Variants in P3H2 observed in about 807,000 individuals in gnomAD.
The protein encoded by P3H2 is leprecan-like 1.
In P3H2, 80 loss-of-function variants were observed where a neutral mutation model predicts 87.0. That is an observed-to-expected ratio of 0.92 (90% CI 0.77 to 1.11). P3H2 has a LOEUF of 1.11. P3H2 is among the 50% of genes least tolerant of loss of function. The pLI, the probability that P3H2 is intolerant of heterozygous loss-of-function variation, is 0.00. For missense variants in P3H2, 1,001 were observed against 923.9 expected, an observed-to-expected ratio of 1.08 and a Z score of -1.08; for synonymous variants, 367 against 359.3, an observed-to-expected ratio of 1.02 and a Z score of -0.24.
At chr3:190,028,808 T>A (rs954283878) in intron 1 of P3H2, among the ~76,000 whole-genome samples, 1 of 152,262 alleles carries the variant, frequency 6.6e-6, no homozygotes, top group Non-Finnish European at 1.5e-5. Flanking sequence ...ATGATTTTAT[T>A]ATTTTAATAA....
At chr3:189,985,318 T>G (rs1723655703) in intron 6 of P3H2, among the ~76,000 whole-genome samples, 1 of 151,762 alleles carries the variant, frequency 6.6e-6, no homozygotes, top group African/African-American at 2.4e-5. Context: ...AGGTTTATTC[T>G]TGCTGGTCAT....
At chr3:190,066,946 C>T (rs966483057) in intron 1 of P3H2, among the ~76,000 whole-genome samples, 3 of 151,880 alleles carry the variant, frequency 2.0e-5, no homozygotes, top group Non-Finnish European at 2.9e-5. Context: ...CTTTGACAGT[C>T]GCTGGATGGA....
At chr3:190,065,147 AT>A (rs1560385394) in intron 1 of P3H2, among the ~76,000 whole-genome samples, 1 of 152,192 alleles carries the variant, frequency 6.6e-6, no homozygotes, top group East Asian at 1.9e-4. Flanking sequence ...TTCAGATTCC[AT>A]CTGGTTGTTC....
intron 1 of P3H2, among the ~76,000 whole-genome samples, chr3:190,007,965 C>CACACATATATAT: frequency 4.2e-5 from 4 of 94,346 alleles, no homozygotes; most frequent in African/African-American, 1.6e-4. Flanking sequence ...TGTTGACACA[C>CACACATATATAT]ATATATATAT....
chr3:190,100,318 G>A (rs112396952), intron 1 of P3H2, among the ~76,000 whole-genome samples: 10,188 of 137,964 alleles, frequency 0.074, 474 homozygotes, highest in African/African-American at 0.14. Flanking sequence ...TCTCTGCAAT[G>A]TATTCAATAT....
intron 1 of P3H2, among the ~76,000 whole-genome samples, chr3:190,017,433 C>T (rs9834518): frequency 0.064 from 9,790 of 152,194 alleles, 453 homozygotes; most frequent in Admixed American, 0.086. Context: ...AAAGAGCATA[C>T]ACATGGATGC....
intron 1 of P3H2, among the ~76,000 whole-genome samples, chr3:190,050,500 T>C (rs1205710980): frequency 6.6e-6 from 1 of 152,156 alleles, no homozygotes; most frequent in Non-Finnish European, 1.5e-5. Context: ...AGATGCAGAC[T>C]TAGATGTCAG....
intron 1 of P3H2, among the ~76,000 whole-genome samples, chr3:190,045,533 G>A (rs1725772889): frequency 6.6e-6 from 1 of 152,006 alleles, no homozygotes; most frequent in Non-Finnish European, 1.5e-5. Flanking sequence ...GAGACATAGA[G>A]AGAGAGGCAG....
chr3:190,086,577 G>C (rs1727217717), intron 1 of P3H2, among the ~76,000 whole-genome samples: 1 of 152,170 alleles, frequency 6.6e-6, no homozygotes, highest in Non-Finnish European at 1.5e-5. Context: ...TTCTGTGTTA[G>C]AGTTTCAGCA....
chr3:190,009,646 CAG>C (rs1244819399), intron 1 of P3H2, among the ~76,000 whole-genome samples: 1 of 152,156 alleles, frequency 6.6e-6, no homozygotes, highest in Non-Finnish European at 1.5e-5. Context: ...AATTTTAAGC[CAG>C]AGAGAAATTT....
At chr3:189,958,306 T>G (rs1036337962) in intron 14 of P3H2, among the ~76,000 whole-genome samples, 1 of 152,170 alleles carries the variant, frequency 6.6e-6, no homozygotes, top group Non-Finnish European at 1.5e-5. Context: ...TCAAGCTGAA[T>G]TCACCATTTT....
At chr3:190,092,368 C>G (rs1727435648) in intron 1 of P3H2, among the ~76,000 whole-genome samples, 3 of 152,220 alleles carry the variant, frequency 2.0e-5, no homozygotes, top group Admixed American at 2.0e-4. Context: ...TGCCATGAGT[C>G]ACTTCCTCAC....
chr3:190,039,447 G>C (rs1326799957), intron 1 of P3H2, among the ~76,000 whole-genome samples: 1 of 152,186 alleles, frequency 6.6e-6, no homozygotes, highest in Non-Finnish European at 1.5e-5. Context: ...TATAGCATGT[G>C]TTATCTTCAC....
rs1407835308 is a variant in P3H2, at chr3:190,120,343, C to T, written c.389G>A (p.Gly130Asp). ...GCTGACGCGGTGGCGGGATGCGGGG[C>T]CCCCGAGGCGCTGGGTCTCACAGCT... is the stretch of plus-strand genomic sequence containing the variant. ...YRSCETQRLG[G>D]PASRHRVSED... Residue 130 changes from glycine (G) to aspartate (D), a missense_variant, in exon 1 of 15, where the codon GGC (glycine) becomes GAC (aspartate). Coordinates refer to ENST00000319332, the MANE Select transcript of P3H2 (RefSeq NM_018192.4). 1.2e-5 allele frequency: 19 copies of T among 1,587,000 alleles called. No individual in the cohort carries two copies. The highest frequency in any genetic ancestry group is 1.5e-5 in the Non-Finnish European group (18 of 1,170,088).
intron 1 of P3H2, among the ~76,000 whole-genome samples, chr3:190,049,988 C>T (rs1490461991): frequency 2.0e-5 from 3 of 152,174 alleles, no homozygotes; most frequent in Non-Finnish European, 2.9e-5. Context: ...TCAACATACT[C>T]TGTAATATCT....
intron 13 of P3H2, among the ~76,000 whole-genome samples, chr3:189,967,525 A>G (rs1452444888): frequency 6.7e-6 from 1 of 150,266 alleles, no homozygotes; most frequent in Non-Finnish European, 1.5e-5. Context: ...GCGAAATGCC[A>G]GTATTTTTGT....
chr3:189,994,157 G>GC lies in P3H2; in HGVS notation c.759dup (p.Pro254AlafsTer5). On this transcript the variant is annotated frameshift_variant, in exon 3 of 15. Coordinates refer to ENST00000319332, the MANE Select transcript of P3H2 (RefSeq NM_018192.4). LOFTEE classifies it high-confidence loss of function. ...TACTCATATTCTTCAAATCTCTGAG[G>GC]CCCCTCACATAGGGTCCGGCATTCT... 6.2e-7 allele frequency: 1 copy of GC among 1,613,406 alleles called. No homozygotes were observed. The highest frequency in any genetic ancestry group is 1.7e-5 in the Admixed American group (1 of 59,992).
At chr3:190,118,909 A>G (rs1320131304) in intron 1 of P3H2, among the ~76,000 whole-genome samples, 1 of 151,630 alleles carries the variant, frequency 6.6e-6, no homozygotes, top group African/African-American at 2.4e-5. Context: ...CCTGGCCAAC[A>G]TGGTGAAACC....
chr3:190,001,547 T>C (rs1251010177), intron 1 of P3H2, among the ~76,000 whole-genome samples: 4 of 152,226 alleles, frequency 2.6e-5, no homozygotes, highest in Admixed American at 6.5e-5. Flanking sequence ...ATAGTAACTT[T>C]AGAGATTTTT....
Sources: gnomAD v4.1 joint callset for allele counts (sites outside exome capture counted in the v4.1 genomes callset) on GRCh38, gnomAD v4.1.1 for gene constraint, MANE v1.5 for transcripts, NCBI Gene and HGNC (gene_info 2026-07-23, HGNC 2026-07-21) for gene names.